KCNH7: variants seen among roughly 807,000 people sequenced by gnomAD.
KCNH7 encodes potassium voltage-gated channel subfamily H member 7.
In KCNH7, 49 loss-of-function variants were observed where a neutral mutation model predicts 120.8. The ratio of observed to expected loss-of-function variants is 0.41; its 90% CI spans 0.32 to 0.51. The LOEUF is 0.51. KCNH7 is among the 20% of genes least tolerant of loss of function. KCNH7 has a pLI of 0.38. For synonymous variants in KCNH7, 547 were observed against 516.1 expected (o/e 1.06, Z -0.81); for missense variants, 1,097 against 1,446.6 (o/e 0.76, Z 3.92).
chr2:162,551,812 G>T (rs1692677631), intron 2 of KCNH7, among the ~76,000 whole-genome samples: 1 of 151,978 alleles, frequency 6.6e-6, no homozygotes. Context: ...GGGTCCATTT[G>T]ATTCCCATAA....
chr2:162,600,156 C>T (rs2105949615), intron 2 of KCNH7, among the ~76,000 whole-genome samples: 1 of 152,116 alleles, frequency 6.6e-6, no homozygotes, highest in East Asian at 1.9e-4. Flanking sequence ...TTAAATGCAC[C>T]CAGGACTAAT....
intron 2 of KCNH7, among the ~76,000 whole-genome samples, chr2:162,733,990 C>A (rs1687816493): frequency 6.6e-6 from 1 of 152,066 alleles, no homozygotes; most frequent in African/African-American, 2.4e-5. Flanking sequence ...ACTGCTTTCC[C>A]CAGTTTTCAA....
intron 2 of KCNH7, among the ~76,000 whole-genome samples, chr2:162,779,929 ATG>A (rs1316338123): frequency 6.6e-6 from 1 of 152,126 alleles, no homozygotes; most frequent in Admixed American, 6.5e-5. Flanking sequence ...CTCAAGGTAC[ATG>A]TGTGTTTTCT....
chr2:162,394,109 C>G (rs1454500523), intron 12 of KCNH7, among the ~76,000 whole-genome samples: 1 of 151,882 alleles, frequency 6.6e-6, no homozygotes, highest in Non-Finnish European at 1.5e-5. Context: ...AAACTGTGCT[C>G]CGAACGAATT....
intron 2 of KCNH7, among the ~76,000 whole-genome samples, chr2:162,550,561 T>C (rs2105856243): frequency 6.7e-6 from 1 of 149,490 alleles, no homozygotes; most frequent in East Asian, 2.1e-4. Flanking sequence ...AGCATAGTCA[T>C]TCATTCTGCT....
At chr2:162,721,072 T>G (rs13403775) in intron 2 of KCNH7, among the ~76,000 whole-genome samples, 37,583 of 152,086 alleles carry the variant, frequency 0.25, 7,238 homozygotes, top group African/African-American at 0.52. Context: ...CTTCTGATGC[T>G]GCAGAATGTG....
chr2:162,530,804 A>AT (rs1397278537), intron 3 of KCNH7, among the ~76,000 whole-genome samples: 1 of 145,196 alleles, frequency 6.9e-6, no homozygotes, highest in Non-Finnish European at 1.5e-5. Context: ...TAGGAACATT[A>AT]TACTTCAAAG....
At chr2:162,545,407 A>C (rs780500519) in intron 2 of KCNH7, among the ~76,000 whole-genome samples, 2 of 152,118 alleles carry the variant, frequency 1.3e-5, no homozygotes, top group Non-Finnish European at 2.9e-5. Context: ...CCCTATTTCA[A>C]AGACACCCTT....
At chr2:162,609,839 G>A (rs770875909) in intron 2 of KCNH7, among the ~76,000 whole-genome samples, 18 of 152,164 alleles carry the variant, frequency 1.2e-4, no homozygotes, top group Non-Finnish European at 2.4e-4. Context: ...GTCTAACAGT[G>A]CATAACACTC....
At chr2:162,460,333 G>A (rs16846727) in intron 6 of KCNH7, among the ~76,000 whole-genome samples, 13,789 of 152,052 alleles carry the variant, frequency 0.091, 897 homozygotes, top group African/African-American at 0.18. Flanking sequence ...CTGAGCTGCC[G>A]TATGGTGCCC....
chr2:162,484,449 G>C (rs1690027581), intron 6 of KCNH7, among the ~76,000 whole-genome samples: 1 of 152,140 alleles, frequency 6.6e-6, no homozygotes, highest in Non-Finnish European at 1.5e-5. Flanking sequence ...AGTTTCATAT[G>C]CTCTTAAGGA....
intron 2 of KCNH7, among the ~76,000 whole-genome samples, chr2:162,578,429 G>A (rs934273729): frequency 4.6e-5 from 7 of 151,832 alleles, no homozygotes; most frequent in African/African-American, 1.2e-4. Context: ...GAGAGAAACC[G>A]GTGACACATC....
At chr2:162,772,511 T>G (rs1267443316) in intron 2 of KCNH7, among the ~76,000 whole-genome samples, 1 of 148,876 alleles carries the variant, frequency 6.7e-6, no homozygotes, top group Non-Finnish European at 1.5e-5. Flanking sequence ...TATTGTACAT[T>G]TTCTCCTGTT....
At chr2:162,625,851 G>A (rs1683536849) in intron 2 of KCNH7, among the ~76,000 whole-genome samples, 1 of 152,118 alleles carries the variant, frequency 6.6e-6, no homozygotes, top group South Asian at 2.1e-4. Context: ...TGAGGTGACA[G>A]AAGAGAGTCT....
intron 9 of KCNH7, among the ~76,000 whole-genome samples, chr2:162,403,840 G>A (rs1226744727): frequency 6.6e-6 from 1 of 151,938 alleles, no homozygotes; most frequent in Non-Finnish European, 1.5e-5. Flanking sequence ...TAGGATCTGG[G>A]TTCTGTCTAA....
At chr2:162,657,647 T>G (rs1377586748) in intron 2 of KCNH7, among the ~76,000 whole-genome samples, 3 of 152,206 alleles carry the variant, frequency 2.0e-5, no homozygotes, top group African/African-American at 7.2e-5. Flanking sequence ...TATAAACAAC[T>G]GTGTACAGGT....
chr2:162,732,849 C>T (rs1237577499), intron 2 of KCNH7, among the ~76,000 whole-genome samples: 2 of 152,154 alleles, frequency 1.3e-5, no homozygotes, highest in African/African-American at 2.4e-5. Context: ...TTCTACACCT[C>T]CATCATTATT....
At chr2:162,729,459 T>C (rs1296747823) in intron 2 of KCNH7, among the ~76,000 whole-genome samples, 2 of 152,208 alleles carry the variant, frequency 1.3e-5, no homozygotes, top group East Asian at 1.9e-4. Context: ...ATCTTTTCTA[T>C]TCCCATATAC....
intron 2 of KCNH7, among the ~76,000 whole-genome samples, chr2:162,706,709 C>CA (rs1384388793): frequency 6.6e-6 from 1 of 152,004 alleles, no homozygotes; most frequent in Non-Finnish European, 1.5e-5. Context: ...TAATTGCCTT[C>CA]ACCCACAGGG....
Sources: gnomAD v4.1 joint callset for allele counts (sites outside exome capture counted in the v4.1 genomes callset) on GRCh38, gnomAD v4.1.1 for gene constraint, MANE v1.5 for transcripts, NCBI Gene and HGNC (gene_info 2026-07-23, HGNC 2026-07-21) for gene names.